Variants in PPME1 observed in about 807,000 individuals in gnomAD.
PPME1 encodes the protein protein phosphatase methylesterase 1, also known as testicular secretory protein Li 39.
PPME1 carries 17 observed loss-of-function variants against 56.9 expected under a neutral mutation model. The observed-to-expected ratio is 0.30, with a 90% confidence interval of 0.20 to 0.45. The LOEUF is 0.45. Among genes scored for constraint, PPME1 ranks in the 20% least tolerant of loss-of-function variants. PPME1 has a pLI of 1.00. For missense variants in PPME1, 357 were observed against 483.2 expected, an observed-to-expected ratio of 0.74 and a Z score of 2.45; for synonymous variants, 122 against 156.2, an observed-to-expected ratio of 0.78 and a Z score of 1.63.
intron 4 of PPME1, among the ~76,000 whole-genome samples, chr11:74,224,866 G>A (rs1858894769): frequency 6.7e-6 from 1 of 149,598 alleles, no homozygotes. Flanking sequence ...GGGTTTTCTA[G>A]ATATACAATC....
chr11:74,191,350 A>G (rs1324171202), intron 1 of PPME1, among the ~76,000 whole-genome samples: 6 of 152,190 alleles, frequency 3.9e-5, no homozygotes, highest in African/African-American at 1.4e-4. Context: ...AAGAAAAAAC[A>G]AAGTTGGTAC....
chr11:74,238,533 A>G (rs945821070), intron 8 of PPME1: 3 of 152,276 alleles, frequency 2.0e-5, no homozygotes, highest in South Asian at 4.1e-4. Flanking sequence ...TTCTCTCTAA[A>G]GGAAGTATGG....
intron 1 of PPME1, among the ~76,000 whole-genome samples, chr11:74,191,866 C>T (rs1186329507): frequency 6.6e-6 from 1 of 152,236 alleles, no homozygotes; most frequent in African/African-American, 2.4e-5. Context: ...CAGGTAGAAG[C>T]CTGCTGCAAG....
At chr11:74,198,492 C>T (rs990815636) in intron 1 of PPME1, among the ~76,000 whole-genome samples, 2 of 152,078 alleles carry the variant, frequency 1.3e-5, no homozygotes, top group Non-Finnish European at 2.9e-5. Context: ...GACAGGGTTT[C>T]GCCTTGTCCC....
intron 1 of PPME1, among the ~76,000 whole-genome samples, chr11:74,199,703 C>A (rs1166807401): frequency 6.6e-6 from 1 of 152,098 alleles, no homozygotes; most frequent in Non-Finnish European, 1.5e-5. Context: ...AAAGACATAT[C>A]CAAGACTGGG....
At chr11:74,189,656 A>G (rs937891719) in intron 1 of PPME1, among the ~76,000 whole-genome samples, 17 of 152,180 alleles carry the variant, frequency 1.1e-4, no homozygotes, top group African/African-American at 3.6e-4. Context: ...AGTACACAGA[A>G]ATCTTTTCCA....
chr11:74,248,730 C>T (rs1400632761), intron 11 of PPME1: 1 of 152,200 alleles, frequency 6.6e-6, no homozygotes. Context: ...CACTTAAGTT[C>T]AATTCAAGAA....
intron 3 of PPME1, among the ~76,000 whole-genome samples, chr11:74,222,006 C>T (rs1034115354): frequency 6.6e-6 from 1 of 152,098 alleles, no homozygotes; most frequent in Non-Finnish European, 1.5e-5. Context: ...AGATGAAAAC[C>T]AGAGCTCAGA....
intron 1 of PPME1, among the ~76,000 whole-genome samples, chr11:74,184,159 G>A (rs180686051): frequency 6.6e-6 from 1 of 152,178 alleles, no homozygotes; most frequent in East Asian, 1.9e-4. Context: ...AAAGTGCCTA[G>A]TACATATACA....
chr11:74,171,343 G>A lies in PPME1; in HGVS notation c.-79G>A. On this transcript the variant is annotated 5_prime_UTR_variant, in exon 1 of 14. Coordinates refer to ENST00000328257, the MANE Select transcript of PPME1 (RefSeq NM_016147.3). ...CGACAGGGCGTCGTTAGGGGAGCGA[G>A]TCGTGACCGGTTGGGCCACACTCAA... 1.3e-6 allele frequency: 2 copies of A among 1,528,276 alleles called. No individual in the cohort carries two copies. Among genetic ancestry groups the A allele is most frequent in the Admixed American group, 4.0e-5 (2 of 50,310 alleles). The allele number at this position is 1,528,276 out of a possible 1,614,324, so 94.7% of individuals were successfully genotyped here. A position where few individuals can be genotyped will look rare whatever the true frequency, so the allele number is the denominator to read the frequency against.
intron 5 of PPME1, among the ~76,000 whole-genome samples, chr11:74,227,808 CA>C (rs984172008): frequency 2.6e-5 from 4 of 151,990 alleles, no homozygotes; most frequent in Non-Finnish European, 5.9e-5. Context: ...ATTTTAATAA[CA>C]ATAAATTTCT....
chr11:74,188,303 C>A (rs974983202), intron 1 of PPME1, among the ~76,000 whole-genome samples: 1 of 151,376 alleles, frequency 6.6e-6, no homozygotes, highest in Non-Finnish European at 1.5e-5. Flanking sequence ...TTCTCTGCCT[C>A]AGCCTTCTGA....
Position 74,203,725 on chromosome 11 carries a change from C to G in PPME1, c.102-3C>G. ...GAAATGTCTCTCTCTTTTTTTTCCT[C>G]AGCCCTGGAAGAAAGCGGGACTTTT... On this transcript the variant is annotated splice_region_variant and splice_polypyrimidine_tract_variant and intron_variant, in intron 1 of 13. Transcript: ENST00000328257. The G allele has an allele frequency of 1.2e-6, 2 of 1,600,798 alleles. No individual in the cohort carries two copies. Among genetic ancestry groups the G allele is most frequent in the Non-Finnish European group, 1.7e-6 (2 of 1,174,760 alleles).
chr11:74,204,722 A>T lies in PPME1; in HGVS notation c.288+277A>T, dbSNP rs952939582. The T allele has an allele frequency of 2.0e-5, 5 of 256,142 alleles. No homozygotes were observed. In the Admixed American group the frequency reaches 2.1e-4, roughly 11 times the overall value. 15.9% of individuals were successfully genotyped at this position (256,142 alleles called of 1,614,324 possible). ...GAAAAAGAAAAGATAATAGGGAGTG[A>T]TGGAAAATGTGAAAGAAAAATTTAA... On this transcript the variant is annotated intron_variant, in intron 3 of 13. Coordinates refer to ENST00000328257, the MANE Select transcript of PPME1 (RefSeq NM_016147.3).
chr11:74,176,613 T>G (rs1243782912), intron 1 of PPME1, among the ~76,000 whole-genome samples: 1 of 152,050 alleles, frequency 6.6e-6, no homozygotes, highest in Non-Finnish European at 1.5e-5. Context: ...GCATCTTCCC[T>G]TCCTCCCAGC....
At chr11:74,241,523 C>T (rs551628640) in intron 9 of PPME1, among the ~76,000 whole-genome samples, 15 of 152,220 alleles carry the variant, frequency 9.9e-5, no homozygotes, top group African/African-American at 3.6e-4. Context: ...TGGAACTGAT[C>T]GATCATATGG....
chr11:74,176,137 A>G (rs147580275), intron 1 of PPME1, among the ~76,000 whole-genome samples: 1 of 152,236 alleles, frequency 6.6e-6, no homozygotes, highest in East Asian at 1.9e-4. Context: ...GCTCTTAAAG[A>G]ATGATAGCTA....
At chr11:74,248,854 A>G (rs1859578518) in intron 11 of PPME1, 1 of 152,206 alleles carries the variant, frequency 6.6e-6, no homozygotes, top group South Asian at 2.1e-4. Context: ...CTGGGATAGC[A>G]TTTGAAATCA....
At position 74,225,265 on chromosome 11, in the gene PPME1, C is replaced by A. The variant is rs1244022336; in HGVS notation, c.398+9C>A. On this transcript the variant is annotated intron_variant, in intron 5 of 13. Coordinates refer to ENST00000328257, the MANE Select transcript of PPME1 (RefSeq NM_016147.3). The stretch of plus-strand genomic sequence containing the variant: ...GCAGAAACAATGGCAAAGTAAGTAA[C>A]CAAATATTTCTTATACATTGCCTGT... 2 of 1,542,414 alleles carry A rather than the reference C, an allele frequency of 1.3e-6. No individual in the cohort carries two copies. The highest frequency in any genetic ancestry group is 1.4e-5 in the African/African-American group (1 of 73,042).
Sources: allele counts gnomAD v4.1 joint callset (sites outside exome capture counted in the v4.1 genomes callset), GRCh38; gene constraint gnomAD v4.1.1; transcripts MANE v1.5; gene names NCBI Gene and HGNC (gene_info 2026-07-23, HGNC 2026-07-21).